PCLO: variants seen among roughly 807,000 people sequenced by gnomAD.
PCLO encodes the protein protein piccolo.
A neutral mutation model predicts 427.5 loss-of-function variants in PCLO; 82 were observed. That is an observed-to-expected ratio of 0.19 (90% CI 0.16 to 0.23). The LOEUF is 0.23. Among genes scored for constraint, PCLO ranks in the 10% least tolerant of loss-of-function variants. The pLI, the probability that PCLO is intolerant of heterozygous loss-of-function variation, is 1.00. For missense variants in PCLO, 6,239 were observed against 6,115.9 expected, an observed-to-expected ratio of 1.02 and a Z score of -0.67; for synonymous variants, 2,357 against 2,155.4, an observed-to-expected ratio of 1.09 and a Z score of -2.59.
intron 8 of PCLO, among the ~76,000 whole-genome samples, chr7:82,907,768 A>G (rs113897764): frequency 6.6e-6 from 1 of 152,112 alleles, no homozygotes; most frequent in Non-Finnish European, 1.5e-5. Context: ...AGAAAATATG[A>G]TAGCATATAG....
Position 82,822,597 on chromosome 7 carries a change from G to C in PCLO, c.14689C>G (p.Arg4897Gly), listed in dbSNP as rs746092832. The change falls in exon 20 of 25, where the codon CGC becomes GGC. Residue 4897 changes from arginine to glycine, a missense_variant. By Grantham distance (125) the Arg-to-Gly change is moderately radical. Transcript: ENST00000333891. ...GTGACGCTGGTTTTGCTTTGACTGC[G>C]AGATGGTCCATGAGAACGGAGATGG... is the stretch of plus-strand genomic sequence containing the variant. Reference protein sequence around the residue: ...EGHLRSHGPSRSQSKTSVTQT... With the variant: ...EGHLRSHGPSGSQSKTSVTQT... 6.2e-7 allele frequency: 1 copy of C among 1,613,782 alleles called. No homozygotes were observed. The highest frequency in any genetic ancestry group is 8.5e-7 in the Non-Finnish European group (1 of 1,179,798).
intron 3 of PCLO, among the ~76,000 whole-genome samples, chr7:83,069,370 G>A (rs532484287): frequency 6.6e-6 from 1 of 152,206 alleles, no homozygotes; most frequent in African/African-American, 2.4e-5. Flanking sequence ...GTTCAAACCT[G>A]TGTTGTTCTA....
rs138699142 is a variant in PCLO, at chr7:83,142,126, C to T, written c.1894-6470G>A. 3.4e-4 allele frequency among the ~76,000 whole-genome samples: 52 copies of T among 151,962 alleles called. 2 individuals carry two copies. In the East Asian group the frequency reaches 7.8e-3, roughly 23 times the overall value. ...CTCTAACTGGAAAATTTAAACACAT[C>T]AACATAATATTCATAATATGATCTC... On this transcript the variant is annotated intron_variant, in intron 2 of 24. Coordinates refer to ENST00000333891, the MANE Select transcript of PCLO (RefSeq NM_033026.6).
chr7:82,937,669 A>G (rs1794988097), intron 6 of PCLO, among the ~76,000 whole-genome samples: 1 of 151,642 alleles, frequency 6.6e-6, no homozygotes, highest in African/African-American at 2.4e-5. Flanking sequence ...TTCCCTTTTT[A>G]TAATATTTAC....
chr7:83,012,444 C>A lies in PCLO; in HGVS notation c.3301-45957G>T, dbSNP rs550758392. On this transcript the variant is annotated intron_variant, in intron 3 of 24. Coordinates refer to ENST00000333891, the MANE Select transcript of PCLO (RefSeq NM_033026.6). Reference sequence around the variant, plus strand: ...ACCAGCCTGACCAACATGGAAAAACCCCATCTCTACTAAAAATACAAAATT... The same window carrying A: ...ACCAGCCTGACCAACATGGAAAAACACCATCTCTACTAAAAATACAAAATT... 6.6e-5 allele frequency among the ~76,000 whole-genome samples: 10 copies of A among 151,768 alleles called. No individual in the cohort carries two copies. The East Asian group carries it at 1.8e-3, about 27-fold the overall frequency.
chr7:82,950,883 C>A lies in PCLO; in HGVS notation c.9705G>T (p.Leu3235Phe). 1 of 1,613,540 alleles carries A rather than the reference C, an allele frequency of 6.2e-7. No individual in the cohort carries two copies. The highest frequency in any genetic ancestry group is 8.5e-7 in the Non-Finnish European group (1 of 1,179,862). Reference sequence around the variant, plus strand: ...TTTGAATTTCCTGACGTTCCCACTCCAATTCCTCAGCAAAGCGCTGTTGCT... The same window carrying A: ...TTTGAATTTCCTGACGTTCCCACTCAAATTCCTCAGCAAAGCGCTGTTGCT... The part of the protein sequence containing the change: ...KIKQQRFAEE[L>F]EWERQEIQRF... Residue 3235 changes from leucine to phenylalanine, a missense_variant, in exon 6 of 25, where the codon TTG becomes TTT. Coordinates refer to ENST00000333891, the MANE Select transcript of PCLO (RefSeq NM_033026.6).
chr7:82,999,845 TAATA>T lies in PCLO; in HGVS notation c.3301-33362_3301-33359del, dbSNP rs1200200287. Among the ~76,000 whole-genome samples, 2 of 60,516 alleles carry T rather than the reference TAATA, an allele frequency of 3.3e-5. 1 individual carries two copies. Among genetic ancestry groups the T allele is most frequent in the Non-Finnish European group, 5.0e-5 (2 of 39,854 alleles). 39.7% of individuals were successfully genotyped at this position (60,516 alleles called of 152,430 possible). A position where few individuals can be genotyped will look rare whatever the true frequency, so the allele number is the denominator to read the frequency against. ...AATATATAATATTAAATATAAAATA[TAATA>T]TATAATATTATATAAAATATAATAT... On this transcript the variant is annotated intron_variant, in intron 3 of 24. Transcript: ENST00000333891.
At chr7:82,888,207 A>G (rs1584104240) in intron 9 of PCLO, among the ~76,000 whole-genome samples, 1 of 152,164 alleles carries the variant, frequency 6.6e-6, no homozygotes, top group Admixed American at 6.6e-5. Context: ...GTTTTGTTCC[A>G]CGGATATTCC....
chr7:83,140,829 C>A (rs1791841809), intron 2 of PCLO, among the ~76,000 whole-genome samples: 1 of 152,126 alleles, frequency 6.6e-6, no homozygotes, highest in African/African-American at 2.4e-5. Context: ...GTTTTACTTC[C>A]AAAATTAAAC....
intron 3 of PCLO, among the ~76,000 whole-genome samples, chr7:83,026,163 T>C (rs1001580542): frequency 1.3e-5 from 2 of 152,102 alleles, no homozygotes; most frequent in African/African-American, 2.4e-5. Flanking sequence ...GACTGGCAAA[T>C]TGGATAAGGA....
At chr7:82,771,516 C>G (rs559328038) in intron 22 of PCLO, among the ~76,000 whole-genome samples, 1 of 151,922 alleles carries the variant, frequency 6.6e-6, no homozygotes. Context: ...ATGACAAATA[C>G]CAGTTGAATC....
At chr7:83,011,851 A>C (rs1788084751) in intron 3 of PCLO, among the ~76,000 whole-genome samples, 1 of 152,126 alleles carries the variant, frequency 6.6e-6, no homozygotes, top group African/African-American at 2.4e-5. Context: ...ATTGAAATCT[A>C]CCTTAGGAAT....
rs1334000454 is a variant in PCLO at position 82,952,900 on chromosome 7, T to C, written c.8053A>G (p.Thr2685Ala). ...SKTEVSATRS[T>A]APSVGLSSIS... ...CTGCTGAGACCAACACTAGGAGCTG[T>C]ACTTCTGGTTGCTGAAACCTCAGTC... The change falls in exon 5 of 25, where the codon ACA (threonine) becomes GCA (alanine). Residue 2685 changes from threonine (T) to alanine (A), a missense_variant. Thr to Ala is a moderately conservative substitution (Grantham distance 58). Around this residue, in one of 5 missense-constraint regions of PCLO, gnomAD observed 4,677 missense variants for 4,468.4 expected, o/e 1.05. Coordinates refer to ENST00000333891, the MANE Select transcript of PCLO (RefSeq NM_033026.6). The C allele has an allele frequency of 6.2e-7, 1 of 1,613,974 alleles. No homozygotes were observed. Among genetic ancestry groups the C allele is most frequent in the Non-Finnish European group, 8.5e-7 (1 of 1,179,866 alleles).
At chr7:83,025,205 A>G (rs1788459845) in intron 3 of PCLO, among the ~76,000 whole-genome samples, 1 of 152,126 alleles carries the variant, frequency 6.6e-6, no homozygotes, top group Non-Finnish European at 1.5e-5. Flanking sequence ...GAAAACTTTG[A>G]AAAAAATTTA....
intron 12 of PCLO, 34 bp downstream of exon 12, chr7:82,846,533 T>C (rs1704228295): frequency 3.6e-6 from 5 of 1,373,722 alleles, no homozygotes; most frequent in South Asian, 1.2e-5. Flanking sequence ...TCTATCTCTT[T>C]ATTTACAGTT....
intron 22 of PCLO, among the ~76,000 whole-genome samples, chr7:82,770,596 T>C (rs1037038542): frequency 7.9e-5 from 12 of 151,916 alleles, no homozygotes; most frequent in African/African-American, 2.9e-4. Context: ...TTAGAGAAAG[T>C]CAGCTCTCTA....
intron 20 of PCLO, among the ~76,000 whole-genome samples, chr7:82,818,172 C>T (rs961708177): frequency 6.6e-6 from 1 of 152,106 alleles, no homozygotes; most frequent in Non-Finnish European, 1.5e-5. Context: ...TTTGCACAAT[C>T]TGTCTAATCT....
rs1156680070 is a variant in PCLO at position 82,951,993 on chromosome 7, A to G, written c.8960T>C (p.Ile2987Thr). 6.2e-7 allele frequency: 1 copy of G among 1,613,858 alleles called. No individual in the cohort carries two copies. The change falls in exon 5 of 25, where the codon ATT becomes ACT. Residue 2987 changes from isoleucine (I) to threonine (T), a missense_variant. Physicochemically the swap from Ile to Thr is moderately conservative, Grantham distance 89. This residue lies in a region of PCLO where 4,677 missense variants were observed against 4,468.4 expected (regional missense o/e 1.05). Coordinates refer to ENST00000333891, the MANE Select transcript of PCLO (RefSeq NM_033026.6). ...AGACATGGAAGGCTTCATTCCCCCA[A>G]TCCCTCTATAACCATATGGCCCTGA... ...DRSGPYGYRG[I>T]GGMKPSMSDT...
chr7:83,135,257 C>A lies in PCLO; in HGVS notation c.2293G>T (p.Asp765Tyr), dbSNP rs761908266. The change falls in exon 3 of 25, where the codon GAC becomes TAC. Residue 765 changes from aspartate (D) to tyrosine (Y), a missense_variant. Asp to Tyr is a radical substitution (Grantham distance 160, BLOSUM62 -3). Coordinates refer to ENST00000333891, the MANE Select transcript of PCLO (RefSeq NM_033026.6). ...KQPKMVKPTT[D>Y]LVSSSSATTK... The stretch of plus-strand genomic sequence containing the variant: ...GTTGCTGATGATGAAGATACAAGGT[C>A]AGTGGTTGGCTTTACCATCTTGGGC... 1 of 1,613,824 alleles carries A rather than the reference C, an allele frequency of 6.2e-7. No individual in the cohort carries two copies. The highest frequency in any genetic ancestry group is 2.2e-5 in the East Asian group (1 of 44,856).
Sources: allele counts gnomAD v4.1 joint callset (sites outside exome capture counted in the v4.1 genomes callset), GRCh38; gene constraint gnomAD v4.1.1; regional missense constraint gnomAD v4.1.1; transcripts MANE v1.5; gene names NCBI Gene and HGNC (gene_info 2026-07-23, HGNC 2026-07-21).